Variants in THYN1 observed in about 807,000 individuals in gnomAD.
The protein encoded by THYN1 is thymocyte protein thy28.
THYN1 carries 32 observed loss-of-function variants against 30.6 expected under a neutral mutation model. That is an observed-to-expected ratio of 1.05 (90% CI 0.79 to 1.40). The LOEUF is 1.40. Among genes scored for constraint, THYN1 ranks in the 40% most tolerant of loss-of-function variants. The pLI, the probability that THYN1 is intolerant of heterozygous loss-of-function variation, is 0.00. For missense variants in THYN1, 259 were observed against 272.6 expected, an observed-to-expected ratio of 0.95 and a Z score of 0.35; for synonymous variants, 107 against 90.8, an observed-to-expected ratio of 1.18 and a Z score of -1.01.
In THYN1 at chr11:134,253,326, C is replaced by T; in HGVS notation, c.-444G>A. 7.1e-7 allele frequency: 1 copy of T among 1,402,220 alleles called. No individual in the cohort carries two copies. The allele number at this position is 1,402,220 out of a possible 1,614,324, so 86.9% of individuals were successfully genotyped here. ...AACACTCTGCAGACTCGACTGCGGTCCGCCTCCGCTGCGCCGCAGGCTGTG... is the reference window on the plus strand; with the variant it reads ...AACACTCTGCAGACTCGACTGCGGTTCGCCTCCGCTGCGCCGCAGGCTGTG... On this transcript the variant is annotated 5_prime_UTR_variant, in exon 1 of 7. Coordinates refer to ENST00000341541, the MANE Select transcript of THYN1 (RefSeq NM_014174.3).
chr11:134,253,320 T>A lies in THYN1; in HGVS notation c.-438A>T, dbSNP rs1221172339. The A allele has an allele frequency of 2.9e-6, 4 of 1,399,304 alleles. No individual in the cohort carries two copies. The highest frequency in any genetic ancestry group is 2.7e-5 in the East Asian group (1 of 36,790). 86.7% of individuals were successfully genotyped at this position (1,399,304 alleles called of 1,614,324 possible). ...AGACCCAACACTCTGCAGACTCGAC[T>A]GCGGTCCGCCTCCGCTGCGCCGCAG... On this transcript the variant is annotated 5_prime_UTR_variant, in exon 1 of 7. Transcript: ENST00000341541.
chr11:134,250,447 G>C, intron 2 of THYN1, 104 bp from the exon 3 acceptor site: 1 of 1,237,868 alleles, frequency 8.1e-7, no homozygotes, highest in Middle Eastern at 1.9e-4. Context: ...GGGGCCACTG[G>C]CTATAGAGGA....
intron 6 of THYN1, 137 bp downstream of exon 6, chr11:134,248,672 C>A: frequency 7.3e-7 from 1 of 1,378,242 alleles, no homozygotes; most frequent in East Asian, 2.3e-5. Flanking sequence ...GGCCACATTC[C>A]CTCCCTCATG....
intron 5 of THYN1, 31 bp downstream of exon 5, chr11:134,249,136 C>G: frequency 6.3e-7 from 1 of 1,597,380 alleles, no homozygotes; most frequent in Non-Finnish European, 8.6e-7. Context: ...TCATCCTTCC[C>G]CTGTCATGAA....
intron 1 of THYN1, chr11:134,251,575 C>G (rs1939054427): frequency 5.5e-6 from 2 of 361,186 alleles, no homozygotes; most frequent in Admixed American, 4.5e-5. Context: ...GGACAGTAGT[C>G]AATACATGTT....
chr11:134,248,573 A>C, intron 6 of THYN1, 89 bp from the exon 7 acceptor site: 2 of 1,517,764 alleles, frequency 1.3e-6, no homozygotes, highest in Non-Finnish European at 1.8e-6. Context: ...TACATCTTAC[A>C]TGGTACTAAG....
chr11:134,253,095 T>A lies in THYN1; in HGVS notation c.-213A>T. ...TGCGCCATTTCCATCTCGCATAACC[T>A]GCCCCTAAACTCTTCTCGGTTCTGT... is the stretch of plus-strand genomic sequence containing the variant. On this transcript the variant is annotated 5_prime_UTR_variant, in exon 1 of 7. Coordinates refer to ENST00000341541, the MANE Select transcript of THYN1 (RefSeq NM_014174.3). 7.2e-7 allele frequency: 1 copy of A among 1,385,606 alleles called. No individual in the cohort carries two copies. The allele number at this position is 1,385,606 out of a possible 1,614,324, so 85.8% of individuals were successfully genotyped here.
chr11:134,251,424 T>C (rs1939043793), intron 1 of THYN1, 116 bp from the exon 2 acceptor site: 14 of 1,161,632 alleles, frequency 1.2e-5, no homozygotes, highest in Middle Eastern at 2.2e-4. Context: ...CATTACCAGC[T>C]GTAGGAACTT....
chr11:134,248,886 T>A lies in THYN1; in HGVS notation c.554A>T (p.His185Leu). 1 of 1,614,250 alleles carries A rather than the reference T, an allele frequency of 6.2e-7. No individual in the cohort carries two copies. The highest frequency in any genetic ancestry group is 8.5e-7 in the Non-Finnish European group (1 of 1,180,040). ...TTTTAAGGGGCCACCAGTAGCTTTGTGAGCTTGATGATAGGATTTGAGCTC... is the reference window on the plus strand; with the variant it reads ...TTTTAAGGGGCCACCAGTAGCTTTGAGAGCTTGATGATAGGATTTGAGCTC... ...LAELKSYHQA[H>L]KATGGPLKNM... The change falls in exon 6 of 7, where the codon CAC (histidine) becomes CTC (leucine). Residue 185 changes from histidine to leucine, a missense_variant. His to Leu is a moderately conservative substitution (Grantham distance 99). Coordinates refer to ENST00000341541, the MANE Select transcript of THYN1 (RefSeq NM_014174.3).
At chr11:134,252,392 G>A (rs1240737303) in intron 1 of THYN1, among the ~76,000 whole-genome samples, 2 of 152,146 alleles carry the variant, frequency 1.3e-5, no homozygotes, top group Non-Finnish European at 1.5e-5. Flanking sequence ...CCATCTTTGT[G>A]ATTATAAAAA....
chr11:134,248,602 A>C, intron 6 of THYN1, 118 bp from the exon 7 acceptor site: 1 of 1,422,650 alleles, frequency 7.0e-7, no homozygotes, highest in Non-Finnish European at 9.8e-7. Context: ...TCATTCGTTC[A>C]AAACTATTTA....
intron 1 of THYN1, chr11:134,251,619 A>G (rs569162124): frequency 5.0e-5 from 13 of 258,226 alleles, no homozygotes. Flanking sequence ...ATGCCTTTGC[A>G]TAGGAAAGAG....
chr11:134,252,889 G>A lies in THYN1; in HGVS notation c.-7C>T. On this transcript the variant is annotated 5_prime_UTR_variant, in exon 1 of 7. Transcript: ENST00000341541. ...TCTTCCGGGGTCTCGACATGGTCAC[G>A]CTGCAGGGGACTTTAGTGCGGACGA... is the stretch of plus-strand genomic sequence containing the variant. The A allele has an allele frequency of 1.3e-6, 2 of 1,590,706 alleles. No individual in the cohort carries two copies. The highest frequency in any genetic ancestry group is 1.7e-6 in the Non-Finnish European group (2 of 1,172,594).
chr11:134,250,463 G>A, intron 2 of THYN1, 120 bp from the exon 3 acceptor site: 5 of 1,067,926 alleles, frequency 4.7e-6, no homozygotes, highest in Non-Finnish European at 6.9e-6. Context: ...GAGGAAGTAT[G>A]TAGTTCACCG....
Position 134,248,434 on chromosome 11 carries a change from T to G in THYN1, c.*4A>C, listed in dbSNP as rs753762617. On this transcript the variant is annotated 3_prime_UTR_variant, in exon 7 of 7. Coordinates refer to ENST00000341541, the MANE Select transcript of THYN1 (RefSeq NM_014174.3). ...TCTCGCCCATTCCAGCAGCAGTATC[T>G]CAGTTAACTTGGTTCCTTTTCCTCC... is the stretch of plus-strand genomic sequence containing the variant. The G allele has an allele frequency of 6.2e-6, 10 of 1,614,010 alleles. No individual in the cohort carries two copies. Among genetic ancestry groups the G allele is most frequent in the Non-Finnish European group, 8.5e-6 (10 of 1,180,020 alleles).
intron 2 of THYN1, 83 bp from the exon 3 acceptor site, chr11:134,250,426 C>T: frequency 1.3e-6 from 2 of 1,501,698 alleles, no homozygotes; most frequent in Non-Finnish European, 9.2e-7. Context: ...GTTCCTTCCC[C>T]TAAAATGAGA....
rs878957462 is a variant in THYN1, at chr11:134,250,269, T to A, written c.291+6A>T. The A allele has an allele frequency of 6.2e-7, 1 of 1,614,150 alleles. No individual in the cohort carries two copies. Among genetic ancestry groups the A allele is most frequent in the Admixed American group, 1.7e-5 (1 of 60,024 alleles). On this transcript the variant is annotated splice_donor_region_variant and intron_variant, in intron 3 of 6. Coordinates refer to ENST00000341541, the MANE Select transcript of THYN1 (RefSeq NM_014174.3). ...GTCTCAGGCGACCTCCTCCTTACCCTCTTACCTGGTAGTTACGAACACCAT... is the reference window on the plus strand; with the variant it reads ...GTCTCAGGCGACCTCCTCCTTACCCACTTACCTGGTAGTTACGAACACCAT...
chr11:134,252,939 A>C lies in THYN1; in HGVS notation c.-57T>G, dbSNP rs1939186674. 1 of 1,525,906 alleles carries C rather than the reference A, an allele frequency of 6.6e-7. No individual in the cohort carries two copies. The highest frequency in any genetic ancestry group is 8.8e-7 in the Non-Finnish European group (1 of 1,139,900). The allele number at this position is 1,525,906 out of a possible 1,614,324, so 94.5% of individuals were successfully genotyped here. On this transcript the variant is annotated 5_prime_UTR_variant, in exon 1 of 7. Transcript: ENST00000341541. ...ATTCTGGAATCAACGGAGATACAAG[A>C]AAGAATGCTAATGTCCTCCAAAACC...
intron 6 of THYN1, 104 bp from the exon 7 acceptor site, chr11:134,248,588 G>T: frequency 6.9e-7 from 1 of 1,454,362 alleles, no homozygotes; most frequent in Non-Finnish European, 9.6e-7. Flanking sequence ...ACTAAGGCGA[G>T]CAGTCATTCG....
Sources: gnomAD v4.1 joint callset for allele counts (sites outside exome capture counted in the v4.1 genomes callset) on GRCh38, gnomAD v4.1.1 for gene constraint, MANE v1.5 for transcripts, NCBI Gene and HGNC (gene_info 2026-07-23, HGNC 2026-07-21) for gene names.